The following TTN variants were observed in gnomAD, a reference collection of about 807,000 sequenced individuals.
The protein encoded by TTN is titin, also known as connectin.
A neutral mutation model predicts 3,223.0 loss-of-function variants in TTN; 1,525 were observed. That is an observed-to-expected ratio of 0.47 (90% CI 0.45 to 0.49). TTN has a LOEUF of 0.49. Ranked by LOEUF, TTN falls within the 20% of genes least tolerant of loss-of-function variation. TTN has a pLI of 0.00. For synonymous variants in TTN, 14,094 were observed against 15,161.0 expected (o/e 0.93, Z 5.17); for missense variants, 40,786 against 43,424.0 (o/e 0.94, Z 5.40).
chr2:178,586,884 T>TA (rs1294765973), intron 307 of TTN, 77 bp from the exon 308 acceptor site: 11 of 1,547,630 alleles, frequency 7.1e-6, no homozygotes, highest in Non-Finnish European at 9.6e-6. Context: ...ATAAGAGTTT[T>TA]AGTATGGATT....
intron 14 of TTN, 43 bp from the exon 15 acceptor site, chr2:178,785,785 G>T: frequency 6.2e-7 from 1 of 1,614,068 alleles, no homozygotes; most frequent in South Asian, 1.1e-5. Flanking sequence ...ATCACCAGAT[G>T]ACCACAGCAG....
At chr2:178,622,164 C>T (rs948698550) in intron 243 of TTN, among the ~76,000 whole-genome samples, 156 bp from the exon 244 acceptor site, 10 of 151,808 alleles carry the variant, frequency 6.6e-5, no homozygotes, top group Non-Finnish European at 1.0e-4. Flanking sequence ...TAAACAAACC[C>T]CAAAAGCAAG....
chr2:178,763,084 G>C (rs561821741), intron 43 of TTN, among the ~76,000 whole-genome samples: 14 of 152,128 alleles, frequency 9.2e-5, no homozygotes, highest in Non-Finnish European at 1.9e-4. Flanking sequence ...ATACAACTTT[G>C]CAATTACTTT....
intron 277 of TTN, 42 bp from the exon 278 acceptor site, chr2:178,607,356 T>G: frequency 6.2e-7 from 1 of 1,612,560 alleles, no homozygotes; most frequent in Non-Finnish European, 8.5e-7. Context: ...AATAAGATAG[T>G]ATCACTTGGG....
chr2:178,625,611 T>C (rs1002291936), intron 240 of TTN, among the ~76,000 whole-genome samples: 6 of 152,014 alleles, frequency 3.9e-5, no homozygotes, highest in Admixed American at 6.6e-5. Context: ...TTAGGGTACA[T>C]GTGCACAATG....
At position 178,616,592 on chromosome 2, in the gene TTN, T is replaced by TATC. The variant is rs1321412070; in HGVS notation, c.48196_48198dup (p.Asp16066dup). 6.2e-7 allele frequency: 1 copy of TATC among 1,612,246 alleles called. No homozygotes were observed. Among genetic ancestry groups the TATC allele is most frequent in the African/African-American group, 1.3e-5 (1 of 74,794 alleles). ...GTCAAATGTACTGAGTCCTTGGTTA[T>TATC]ATCACCAAATTTCAATTCTTTGGGT... On this transcript the variant is annotated inframe_insertion, in exon 257 of 363. Transcript: ENST00000589042.
chr2:178,601,054 T>A lies in TTN; in HGVS notation c.55850A>T (p.Glu18617Val). Reference sequence around the variant, plus strand: ...CCCAGTAGGGTCCCATGCAAGGCACTCAACAATATAGTGGGTAACAGGGGA... The same window carrying A: ...CCCAGTAGGGTCCCATGCAAGGCACACAACAATATAGTGGGTAACAGGGGA... The part of the protein sequence containing the change: ...GGSPVTHYIV[E>V]CLAWDPTGTK... The change falls in exon 288 of 363, where the codon GAG (glutamate) becomes GTG (valine). Residue 18617 changes from glutamate to valine, a missense_variant. Glu to Val is a moderately radical substitution (Grantham distance 121, BLOSUM62 -2). Transcript: ENST00000589042. The A allele has an allele frequency of 6.2e-7, 1 of 1,612,816 alleles. No individual in the cohort carries two copies. The highest frequency in any genetic ancestry group is 8.5e-7 in the Non-Finnish European group (1 of 1,179,256).
At position 178,552,823 on chromosome 2, in the gene TTN, T is replaced by G. The variant is rs778228308; in HGVS notation, c.90077A>C (p.Lys30026Thr). ...TATAGGAGCTGGTACTTCAGCAGCC[T>G]TCACTGGCTCTGTAGTTTCACAGGG... ...GEPCETTEPV[K>T]AAEVPAPIRD... is the part of the protein sequence containing the mutation. The change falls in exon 335 of 363, where the codon AAG (lysine) becomes ACG (threonine). Residue 30026 changes from lysine to threonine, a missense_variant. Physicochemically the swap from Lys to Thr is moderately conservative, Grantham distance 78. Transcript: ENST00000589042. 1.2e-6 allele frequency: 2 copies of G among 1,613,850 alleles called. No individual in the cohort carries two copies. The highest frequency in any genetic ancestry group is 2.2e-5 in the South Asian group (2 of 91,078).
In TTN at chr2:178,685,317, C is replaced by A. The variant is rs779469817; in HGVS notation, c.32406G>T (p.Gln10802His). The change falls in exon 129 of 363, where the codon CAG becomes CAT. Residue 10802 changes from glutamine (Q) to histidine (H), a missense_variant. Coordinates refer to ENST00000589042, the MANE Select transcript of TTN (RefSeq NM_001267550.2). ...TTGGTTTCAGTACAATTTTCTTCTC[C>A]TGCCTCTCTGTCACTTGAAAAGATT... Reference protein sequence around the residue: ...EAEPAEVTERQEKKIVLKPKI... With the variant: ...EAEPAEVTERHEKKIVLKPKI... 2 of 1,551,038 alleles carry A rather than the reference C, an allele frequency of 1.3e-6. No individual in the cohort carries two copies. Among genetic ancestry groups the A allele is most frequent in the Admixed American group, 2.0e-5 (1 of 51,064 alleles).
Position 178,557,031 on chromosome 2 carries a change from G to T in TTN, c.88123C>A (p.Arg29375Ser). 1 of 1,613,752 alleles carries T rather than the reference G, an allele frequency of 6.2e-7. No individual in the cohort carries two copies. The highest frequency in any genetic ancestry group is 8.5e-7 in the Non-Finnish European group (1 of 1,179,824). ...GTCCATCTGCCATCTGGAAGGTCAC[G>T]TCTCTCAACAATGTAGCCTGTAATC... ...SKITGYIVERRDLPDGRWTKA... is the reference protein window; with the variant it reads ...SKITGYIVERSDLPDGRWTKA... The change falls in exon 330 of 363, where the codon CGT (arginine) becomes AGT (serine). Residue 29375 changes from arginine to serine, a missense_variant. Transcript: ENST00000589042.
intron 47 of TTN, among the ~76,000 whole-genome samples, chr2:178,742,536 T>TA (rs1179751825): frequency 6.6e-6 from 1 of 152,088 alleles, no homozygotes; most frequent in Non-Finnish European, 1.5e-5. Flanking sequence ...GCCTTTGTAA[T>TA]AAGGCATTAG....
At position 178,634,048 on chromosome 2, in the gene TTN, G is replaced by C; in HGVS notation, c.42451C>G (p.Gln14151Glu). 1 of 1,612,958 alleles carries C rather than the reference G, an allele frequency of 6.2e-7. No individual in the cohort carries two copies. Among genetic ancestry groups the C allele is most frequent in the Non-Finnish European group, 8.5e-7 (1 of 1,179,406 alleles). ...GCTGTTTCACCTTCTTTTACTGTTT[G>C]ATCTTCAAGAGGTGACATGAATTTC... ...RLKFMSPLED[Q>E]TVKEGETATF... Residue 14151 changes from glutamine to glutamate, a missense_variant, in exon 231 of 363, where the codon CAA becomes GAA. Transcript: ENST00000589042. The surrounding 1 kb of genome is among the most constrained non-coding windows in gnomAD (Gnocchi z 4.6).
At chr2:178,782,155 G>C in intron 20 of TTN, 57 bp downstream of exon 20, 1 of 1,595,058 alleles carries the variant, frequency 6.3e-7, no homozygotes, top group Non-Finnish European at 8.6e-7. Context: ...TCTACTCTAG[G>C]CTTCATGCAC....
Position 178,634,486 on chromosome 2 carries a change from C to G in TTN, c.42295G>C (p.Asp14099His). ...PDIIKSSDKF[D>H]IIADGKKHIL... The stretch of plus-strand genomic sequence containing the variant: ...TGTTTCTTTCCATCAGCGATGATAT[C>G]AAATTTGTCAGATGACTTAATTATA... The change falls in exon 230 of 363, where the codon GAT becomes CAT. Residue 14099 changes from aspartate to histidine, a missense_variant. Transcript: ENST00000589042. The surrounding 1 kb of genome is among the most constrained non-coding windows in gnomAD (Gnocchi z 4.6). 1 of 1,613,254 alleles carries G rather than the reference C, an allele frequency of 6.2e-7. No individual in the cohort carries two copies. The highest frequency in any genetic ancestry group is 8.5e-7 in the Non-Finnish European group (1 of 1,179,530).
At chr2:178,750,962 A>G (rs2085325774) in intron 47 of TTN, 1 of 1,612,834 alleles carries the variant, frequency 6.2e-7, no homozygotes, top group African/African-American at 1.3e-5. Flanking sequence ...TTCCTTTACC[A>G]GTGCTTCTTG....
In TTN at chr2:178,706,597, C is replaced by T. The variant is rs1195605244; in HGVS notation, c.29277G>A (p.Arg9759=). The change falls in exon 102 of 363, where the codon AGG becomes AGA. Residue 9759 remains arginine, a synonymous_variant. Coordinates refer to ENST00000589042, the MANE Select transcript of TTN (RefSeq NM_001267550.2). ...ACCCAGAATCAGTTTTTGTGGTGTC[C>T]CTAATCTCCAGTTTTGCTTCATCGC... ...QKGDEAKLEI[R]DTTKTDSGLY... is the part of the protein sequence containing the mutation. 6.8e-6 allele frequency: 11 copies of T among 1,613,808 alleles called. No homozygotes were observed. The highest frequency in any genetic ancestry group is 9.3e-6 in the Non-Finnish European group (11 of 1,179,830).
In TTN at chr2:178,729,544, C is replaced by G; in HGVS notation, c.18612G>C (p.Glu6204Asp). 1 of 1,613,060 alleles carries G rather than the reference C, an allele frequency of 6.2e-7. No homozygotes were observed. Among genetic ancestry groups the G allele is most frequent in the Non-Finnish European group, 8.5e-7 (1 of 1,179,274 alleles). ...KVKEPPTFIRELKPVEVVKYS... is the reference protein window; with the variant it reads ...KVKEPPTFIRDLKPVEVVKYS... Reference sequence around the variant, plus strand: ...ATTTTACTACCTCCACAGGCTTCAGCTCTCTGATAAAGGTGGGGGGTTCTA... The same window carrying G: ...ATTTTACTACCTCCACAGGCTTCAGGTCTCTGATAAAGGTGGGGGGTTCTA... Residue 6204 changes from glutamate (E) to aspartate (D), a missense_variant, in exon 64 of 363, where the codon GAG becomes GAC. Transcript: ENST00000589042.
At chr2:178,542,639 G>GT (rs1695157495) in intron 348 of TTN, 23 bp downstream of exon 348, 1 of 1,603,346 alleles carries the variant, frequency 6.2e-7, no homozygotes, top group Non-Finnish European at 8.5e-7. Context: ...CAACTTGCTT[G>GT]TATCTTTGTC....
At chr2:178,710,514 ATTTTC>A (rs1442710385) in intron 98 of TTN, 116 bp downstream of exon 98, 12 of 1,246,938 alleles carry the variant, frequency 9.6e-6, no homozygotes, top group Admixed American at 2.3e-5. Context: ...CCTCTTAAAC[ATTTTC>A]TTTTCATTTG....
Sources: gnomAD v4.1 joint callset for allele counts (sites outside exome capture counted in the v4.1 genomes callset) on GRCh38, gnomAD v4.1.1 for gene constraint, Gnocchi (gnomAD v3.1) non-coding constraint, MANE v1.5 for transcripts, NCBI Gene and HGNC (gene_info 2026-07-23, HGNC 2026-07-21) for gene names.